Variants in RNF6 observed in about 807,000 individuals in gnomAD.
RNF6 encodes the protein E3 ubiquitin-protein ligase RNF6.
In RNF6, 21 loss-of-function variants were observed where a neutral mutation model predicts 50.1. That is an observed-to-expected ratio of 0.42 (90% CI 0.30 to 0.60). The LOEUF (loss-of-function observed/expected upper bound fraction) is 0.60, where lower values mean the gene tolerates loss of function less well. Ranked by LOEUF, RNF6 falls within the 20% of genes least tolerant of loss-of-function variation. RNF6 has a pLI of 0.20. For synonymous variants in RNF6, 255 were observed against 291.8 expected (o/e 0.87, Z 1.29); for missense variants, 698 against 838.2 (o/e 0.83, Z 2.07).
chr13:26,166,724 A>T (rs1299134077), intron 5 of RNF6, among the ~76,000 whole-genome samples: 1 of 152,178 alleles, frequency 6.6e-6, no homozygotes, highest in Non-Finnish European at 1.5e-5. Context: ...GTTCAAGACC[A>T]ACCTGGGCAA....
At chr13:26,145,200 A>T (rs2137565812) in intron 5 of RNF6, among the ~76,000 whole-genome samples, 2 of 152,346 alleles carry the variant, frequency 1.3e-5, no homozygotes, top group South Asian at 4.1e-4. Flanking sequence ...AAGTGATAAA[A>T]TCACATCTGG....
chr13:26,186,755 G>T (rs911100449), intron 5 of RNF6, among the ~76,000 whole-genome samples: 1 of 149,536 alleles, frequency 6.7e-6, no homozygotes, highest in African/African-American at 2.5e-5. Context: ...GCAGGGAAGC[G>T]TCAGGGACCT....
intron 5 of RNF6, among the ~76,000 whole-genome samples, chr13:26,183,080 C>G (rs968972867): frequency 6.6e-6 from 1 of 152,170 alleles, no homozygotes; most frequent in African/African-American, 2.4e-5. Flanking sequence ...CCAGTTTAGC[C>G]TCTGCTGAAA....
At chr13:26,211,759 A>G (rs1416480512), downstream of RNF6, among the ~76,000 whole-genome samples, 1 of 152,126 alleles carries the variant, frequency 6.6e-6, no homozygotes, top group Non-Finnish European at 1.5e-5. Context: ...CTCTGTCTCA[A>G]TAAAAATAAA....
At position 26,218,010 on chromosome 13, in the gene RNF6, G is replaced by T. The variant is rs1220268710; in HGVS notation, c.289+501C>A. Among the ~76,000 whole-genome samples, 12 of 152,286 alleles carry T rather than the reference G, an allele frequency of 7.9e-5. 1 individual carries two copies. In the East Asian group the frequency reaches 2.3e-3, roughly 29 times the overall value. On this transcript the variant is annotated intron_variant, in intron 4 of 4. Transcript: ENST00000381588. ...ACCTCTGAGGAGGGAAGTAGAACTGGTTAAGAGGAACACAAAAGTGGCTTT... is the reference window on the plus strand; with the variant it reads ...ACCTCTGAGGAGGGAAGTAGAACTGTTTAAGAGGAACACAAAAGTGGCTTT...
At chr13:26,164,895 A>G (rs1872373238) in intron 5 of RNF6, among the ~76,000 whole-genome samples, 4 of 152,214 alleles carry the variant, frequency 2.6e-5, no homozygotes, top group Admixed American at 2.0e-4. Context: ...CTGATGATGC[A>G]GTAGAAAAGA....
intron 5 of RNF6, among the ~76,000 whole-genome samples, chr13:26,180,990 A>G (rs1873209052): frequency 6.6e-6 from 1 of 152,182 alleles, no homozygotes; most frequent in Non-Finnish European, 1.5e-5. Context: ...CTGGCTGTCC[A>G]GGTATTGTAA....
chr13:26,210,739 A>G (rs1319412791), downstream of RNF6, among the ~76,000 whole-genome samples: 1 of 152,252 alleles, frequency 6.6e-6, no homozygotes, highest in Non-Finnish European at 1.5e-5. Flanking sequence ...AACTCTGCCA[A>G]TTACTAAGTT....
intron 5 of RNF6, among the ~76,000 whole-genome samples, chr13:26,166,152 A>C (rs1872441752): frequency 6.6e-6 from 1 of 152,138 alleles, no homozygotes; most frequent in Admixed American, 6.6e-5. Context: ...TGGTTTTATA[A>C]AGGGGAGTTT....
chr13:26,184,824 A>G (rs991078810), intron 5 of RNF6, among the ~76,000 whole-genome samples: 8 of 152,202 alleles, frequency 5.3e-5, no homozygotes, highest in African/African-American at 1.9e-4. Context: ...GCCACAAAGG[A>G]TAAATCTGTG....
At chr13:26,165,815 G>T (rs117756845) in intron 5 of RNF6, among the ~76,000 whole-genome samples, 4,625 of 152,298 alleles carry the variant, frequency 0.03, 97 homozygotes, top group South Asian at 0.057. Context: ...GGAAGTAACT[G>T]ACTTGCTTTT....
rs117061691 is a variant in RNF6, at chr13:26,143,251, A to G, written n.769-10800T>C. Reference sequence around the variant, plus strand: ...TCATATGTCATGGTAATACTGAGAGATGCCTTAAGGGATCTCCTGTATTCT... The same window carrying G: ...TCATATGTCATGGTAATACTGAGAGGTGCCTTAAGGGATCTCCTGTATTCT... On this transcript the variant is annotated intron_variant and non_coding_transcript_variant, in intron 5 of 5. Coordinates refer to the RNF6 transcript ENST00000468480. Among the ~76,000 whole-genome samples, 508 of 152,268 alleles carry G rather than the reference A, an allele frequency of 3.3e-3. 4 individuals are homozygous for G. The highest frequency in any genetic ancestry group is 5.5e-3 in the Non-Finnish European group (372 of 68,024).
chr13:26,136,829 G>A (rs1424740308), intron 5 of RNF6, among the ~76,000 whole-genome samples: 1 of 151,958 alleles, frequency 6.6e-6, no homozygotes, highest in Non-Finnish European at 1.5e-5. Flanking sequence ...AACACAATGA[G>A]AAAACTGGCA....
At position 26,150,048 on chromosome 13, in the gene RNF6, G is replaced by GTATA. The variant is rs71813042; in HGVS notation, n.769-17601_769-17598dup. Reference sequence around the variant, plus strand: ...TATATACACAGTGTATATATAATGTGTATATATATATATATACATATACAT... The same window carrying GTATA: ...TATATACACAGTGTATATATAATGTGTATATATATATATATATATACATATACAT... On this transcript the variant is annotated intron_variant and non_coding_transcript_variant, in intron 5 of 5. Transcript: ENST00000468480. 9.8e-3 allele frequency among the ~76,000 whole-genome samples: 827 copies of GTATA among 84,096 alleles called. 46 individuals are homozygous for GTATA. Among genetic ancestry groups the GTATA allele is most frequent in the South Asian group, 0.017 (45 of 2,666 alleles). The allele number at this position is 84,096 out of a possible 152,430, so 55.2% of individuals were successfully genotyped here.
At chr13:26,155,928 C>T (rs1299654132) in intron 5 of RNF6, among the ~76,000 whole-genome samples, 1 of 152,124 alleles carries the variant, frequency 6.6e-6, no homozygotes, top group Non-Finnish European at 1.5e-5. Flanking sequence ...GAGTGAGCTT[C>T]CTGGGTCACT....
chr13:26,144,593 A>G (rs1871134992), intron 5 of RNF6, among the ~76,000 whole-genome samples: 1 of 152,196 alleles, frequency 6.6e-6, no homozygotes, highest in African/African-American at 2.4e-5. Flanking sequence ...AGTTTTGCCT[A>G]TTAGGATAAG....
At chr13:26,135,168 G>C (rs1019181835) in intron 5 of RNF6, among the ~76,000 whole-genome samples, 2 of 152,118 alleles carry the variant, frequency 1.3e-5, no homozygotes. Context: ...AAAAGCAGTG[G>C]TATATAAGAT....
rs1007333209 is a variant in RNF6 at position 26,213,414 on chromosome 13, T to C, written c.*410A>G. ...AGATACTGTCCTTAAAATAAAAAGT[T>C]AATGAAAAGCTTATTTAGACACAAA... On this transcript the variant is annotated 3_prime_UTR_variant, in exon 5 of 5. Coordinates refer to ENST00000381588, the MANE Select transcript of RNF6 (RefSeq NM_005977.4). The C allele has an allele frequency of 7.1e-5, 11 of 154,338 alleles. No homozygotes were observed. The highest frequency in any genetic ancestry group is 2.6e-4 in the African/African-American group (11 of 41,510). The allele number at this position is 154,338 out of a possible 1,614,324, so 9.6% of individuals were successfully genotyped here. A position where few individuals can be genotyped will look rare whatever the true frequency, so the allele number is the denominator to read the frequency against.
chr13:26,134,226 G>A (rs968454378), intron 5 of RNF6, among the ~76,000 whole-genome samples: 1 of 152,298 alleles, frequency 6.6e-6, no homozygotes, highest in Admixed American at 6.5e-5. Context: ...TGAAAAGAGG[G>A]AAGGACTTCA....
Sources: gnomAD v4.1 joint callset for allele counts (sites outside exome capture counted in the v4.1 genomes callset) on GRCh38, gnomAD v4.1.1 for gene constraint, MANE v1.5 for transcripts, NCBI Gene and HGNC (gene_info 2026-07-23, HGNC 2026-07-21) for gene names.